The following GXYLT2 variants were observed in gnomAD, a reference collection of about 807,000 sequenced individuals.
GXYLT2 encodes glucoside xylosyltransferase 2, also known as glycosyltransferase 8 domain containing 4.
GXYLT2 carries 53 observed loss-of-function variants against 45.8 expected under a neutral mutation model. The ratio of observed to expected loss-of-function variants is 1.16; its 90% CI spans 0.93 to 1.46. GXYLT2 has a LOEUF of 1.46. Ranked by LOEUF, GXYLT2 falls within the 40% of genes most tolerant of loss-of-function variation. The pLI is 0.00. For synonymous variants in GXYLT2, 219 were observed against 214.2 expected, an observed-to-expected ratio of 1.02 and a Z score of -0.19; for missense variants, 551 against 544.4, an observed-to-expected ratio of 1.01 and a Z score of -0.12.
intron 2 of GXYLT2, among the ~76,000 whole-genome samples, chr3:72,919,140 C>A (rs2102183): frequency 0.13 from 19,630 of 152,128 alleles, 1,491 homozygotes; most frequent in African/African-American, 0.21. Flanking sequence ...AGTATTTACC[C>A]AAATGAGTTG....
intron 3 of GXYLT2, among the ~76,000 whole-genome samples, chr3:72,922,780 C>T (rs192315431): frequency 6.6e-6 from 1 of 152,244 alleles, no homozygotes; most frequent in African/African-American, 2.4e-5. Flanking sequence ...TTGGTTTAGT[C>T]TTTTAGTTTA....
chr3:72,914,544 TGTGC>T lies in GXYLT2; in HGVS notation c.468+5987_468+5990del, dbSNP rs1458477348. ...ACATATATATGTGTGTGTGTGTGTG[TGTGC>T]GCGCGCGCGCTTGCGTGCGCATGTA... On this transcript the variant is annotated intron_variant, in intron 2 of 6. Coordinates refer to ENST00000389617, the MANE Select transcript of GXYLT2 (RefSeq NM_001080393.2). Among the ~76,000 whole-genome samples the T allele has an allele frequency of 1.5e-4, 22 of 150,348 alleles. No homozygotes were observed. The East Asian group carries it at 3.7e-3, about 25-fold the overall frequency.
intron 2 of GXYLT2, among the ~76,000 whole-genome samples, chr3:72,909,793 T>C (rs1158130686): frequency 6.6e-6 from 1 of 152,230 alleles, no homozygotes; most frequent in Non-Finnish European, 1.5e-5. Context: ...AGTTCTCAAA[T>C]GGTGGCAGAG....
At chr3:72,946,276 G>GAAAAA (rs57450041) in intron 3 of GXYLT2, among the ~76,000 whole-genome samples, 1 of 59,446 alleles carries the variant, frequency 1.7e-5, no homozygotes, top group Non-Finnish European at 3.6e-5. Flanking sequence ...GACCCTGTCT[G>GAAAAA]AAAAAAAAAA....
Position 72,976,548 on chromosome 3 carries a change from T to G in GXYLT2, c.*1389T>G, listed in dbSNP as rs1207657515. 6.6e-6 allele frequency: 1 copy of G among 152,098 alleles called. No homozygotes were observed. The highest frequency in any genetic ancestry group is 1.5e-5 in the Non-Finnish European group (1 of 67,924). 9.4% of individuals were successfully genotyped at this position (152,098 alleles called of 1,614,324 possible). ...TCTCTTTAAACAATTTCTTTCCCCC[T>G]AGGGTTACCTAGCTGGTCCATACAG... On this transcript the variant is annotated 3_prime_UTR_variant, in exon 7 of 7. Coordinates refer to ENST00000389617, the MANE Select transcript of GXYLT2 (RefSeq NM_001080393.2).
intron 1 of GXYLT2, among the ~76,000 whole-genome samples, chr3:72,897,256 A>G (rs1709311472): frequency 6.6e-6 from 1 of 152,206 alleles, no homozygotes; most frequent in Non-Finnish European, 1.5e-5. Context: ...GTGCAAAGAG[A>G]TAAAGCTTCA....
At chr3:72,938,058 G>C (rs989301398) in intron 3 of GXYLT2, among the ~76,000 whole-genome samples, 10 of 152,120 alleles carry the variant, frequency 6.6e-5, no homozygotes, top group Non-Finnish European at 5.9e-5. Context: ...AGGAGTTCAA[G>C]ACTGGCCTGG....
chr3:72,905,132 T>G (rs1414868340), intron 1 of GXYLT2, among the ~76,000 whole-genome samples: 1 of 151,830 alleles, frequency 6.6e-6, no homozygotes, highest in Non-Finnish European at 1.5e-5. Flanking sequence ...TGCATTTGTT[T>G]TCTTTGAGAC....
At chr3:72,939,861 T>C (rs1710267822) in intron 3 of GXYLT2, among the ~76,000 whole-genome samples, 1 of 152,100 alleles carries the variant, frequency 6.6e-6, no homozygotes, top group Non-Finnish European at 1.5e-5. Flanking sequence ...TTTGTATTTT[T>C]TGTAGAGATA....
intron 3 of GXYLT2, among the ~76,000 whole-genome samples, chr3:72,933,856 A>C (rs2107116868): frequency 6.6e-6 from 1 of 152,212 alleles, no homozygotes; most frequent in South Asian, 2.1e-4. Context: ...ATGAGCTGTG[A>C]TGGCCCCACT....
chr3:72,957,252 G>C lies in GXYLT2; in HGVS notation c.876G>C (p.Leu292=). 2 of 1,613,266 alleles carry C rather than the reference G, an allele frequency of 1.2e-6. No individual in the cohort carries two copies. The highest frequency in any genetic ancestry group is 2.2e-5 in the South Asian group (2 of 90,996). ...AGAACAGCATGATTCCAACAGGCCTGGCTTGGGAGGACATGTTGTACCCTC... is the reference window on the plus strand; with the variant it reads ...AGAACAGCATGATTCCAACAGGCCTCGCTTGGGAGGACATGTTGTACCCTC... ...QFKNSMIPTG[L]AWEDMLYPLY... is the part of the protein sequence containing the mutation. Residue 292 remains leucine (L), a synonymous_variant, in exon 5 of 7, where the codon CTG becomes CTC. Transcript: ENST00000389617.
intron 3 of GXYLT2, among the ~76,000 whole-genome samples, chr3:72,930,950 A>G (rs774066919): frequency 3.9e-5 from 6 of 152,164 alleles, no homozygotes; most frequent in Non-Finnish European, 8.8e-5. Context: ...CGGAAATAGA[A>G]GAACAACACC....
In GXYLT2 at chr3:72,955,382, G is replaced by T. The variant is rs748063184; in HGVS notation, c.852+33G>T. On this transcript the variant is annotated intron_variant, in intron 4 of 6. Coordinates refer to ENST00000389617, the MANE Select transcript of GXYLT2 (RefSeq NM_001080393.2). Reference sequence around the variant, plus strand: ...AGTGCTTTAAAATTCCTTGTTTAAAGACTGGGAGTTGGTCTTGTCAACAGT... The same window carrying T: ...AGTGCTTTAAAATTCCTTGTTTAAATACTGGGAGTTGGTCTTGTCAACAGT... 40 of 1,605,636 alleles carry T rather than the reference G, an allele frequency of 2.5e-5. 1 individual carries two copies. The Admixed American group carries it at 5.4e-4, about 22-fold the overall frequency.
At chr3:72,890,046 A>G (rs1330399162) in intron 1 of GXYLT2, among the ~76,000 whole-genome samples, 1 of 151,892 alleles carries the variant, frequency 6.6e-6, no homozygotes, top group Non-Finnish European at 1.5e-5. Context: ...TCAGCCTGCC[A>G]GGTAGCTGGC....
chr3:72,894,682 C>G (rs1709249053), intron 1 of GXYLT2, among the ~76,000 whole-genome samples: 1 of 152,236 alleles, frequency 6.6e-6, no homozygotes, highest in African/African-American at 2.4e-5. Context: ...CCTCGTCCTG[C>G]CCCGTGGAAC....
At chr3:72,949,180 C>T (rs933572005) in intron 3 of GXYLT2, among the ~76,000 whole-genome samples, 1 of 152,140 alleles carries the variant, frequency 6.6e-6, no homozygotes, top group African/African-American at 2.4e-5. Flanking sequence ...TGATCGGGCA[C>T]CTGCCCACTT....
chr3:72,962,964 A>AAC (rs67778214), intron 5 of GXYLT2, among the ~76,000 whole-genome samples: 59,339 of 150,142 alleles, frequency 0.4, 14,491 homozygotes, highest in Non-Finnish European at 0.54. Flanking sequence ...TAAAAAAAAA[A>AAC]AACAAAAAAA....
At chr3:72,947,309 A>G (rs1710429703) in intron 3 of GXYLT2, among the ~76,000 whole-genome samples, 1 of 152,164 alleles carries the variant, frequency 6.6e-6, no homozygotes, top group Non-Finnish European at 1.5e-5. Flanking sequence ...TATTAGGATT[A>G]TTTAGCTCCC....
At chr3:72,916,779 T>C (rs1340624528) in intron 2 of GXYLT2, among the ~76,000 whole-genome samples, 2 of 151,308 alleles carry the variant, frequency 1.3e-5, no homozygotes, top group Admixed American at 1.3e-4. Flanking sequence ...GACCTCGGCC[T>C]CCCAAATTTT....
Sources: gnomAD v4.1 joint callset for allele counts (sites outside exome capture counted in the v4.1 genomes callset) on GRCh38, gnomAD v4.1.1 for gene constraint, MANE v1.5 for transcripts, NCBI Gene and HGNC (gene_info 2026-07-23, HGNC 2026-07-21) for gene names.